Variants in WWP2 observed in about 807,000 individuals in gnomAD.
WWP2 encodes the protein NEDD4-like E3 ubiquitin-protein ligase WWP2.
Under a neutral mutation model 121.0 loss-of-function variants are expected in WWP2, and 57 were observed. That is an observed-to-expected ratio of 0.47 (90% CI 0.38 to 0.59). The LOEUF (loss-of-function observed/expected upper bound fraction) is 0.59. WWP2 is among the 20% of genes least tolerant of loss of function. The pLI, the probability that WWP2 is intolerant of heterozygous loss-of-function variation, is 0.00. For synonymous variants in WWP2, 449 were observed against 441.3 expected, an observed-to-expected ratio of 1.02 and a Z score of -0.22; for missense variants, 962 against 1,158.9, an observed-to-expected ratio of 0.83 and a Z score of 2.47.
At chr16:69,845,549 C>T (rs952763151) in intron 6 of WWP2, among the ~76,000 whole-genome samples, 26 of 152,074 alleles carry the variant, frequency 1.7e-4, no homozygotes, top group African/African-American at 6.3e-4. Context: ...GTGCTCTGAC[C>T]TGCCCATGAA....
intron 6 of WWP2, among the ~76,000 whole-genome samples, chr16:69,849,482 T>C (rs74027209): frequency 1.0e-3 from 153 of 149,664 alleles, no homozygotes; most frequent in African/African-American, 2.5e-3. Flanking sequence ...TTTATTTATT[T>C]ATTCATTCAT....
chr16:69,927,079 C>G (rs1421626919), intron 11 of WWP2, among the ~76,000 whole-genome samples: 1 of 152,048 alleles, frequency 6.6e-6, no homozygotes, highest in Non-Finnish European at 1.5e-5. Context: ...GAGCCGTGGT[C>G]AGAGTCGATA....
At position 69,799,285 on chromosome 16, in the gene WWP2, T is replaced by C. The variant is rs185778994; in HGVS notation, c.330T>C (p.Asn110=). Reference sequence around the variant, plus strand: ...ACCTCTCCAACGTCTTGAAGAACAATGGGGGCAAAAGTACGTATGATGAAG... The same window carrying C: ...ACCTCTCCAACGTCTTGAAGAACAACGGGGGCAAAAGTACGTATGATGAAG... ...SVNLSNVLKN[N]GGKMENMQLT... The change falls in exon 4 of 24, where the codon AAT becomes AAC. Residue 110 remains asparagine, a synonymous_variant. Coordinates refer to ENST00000359154, the MANE Select transcript of WWP2 (RefSeq NM_001270454.2). The surrounding 1 kb of genome is among the most constrained non-coding windows in gnomAD (Gnocchi z 4.5). The C allele has an allele frequency of 1.9e-6, 3 of 1,613,570 alleles. No individual in the cohort carries two copies. The East Asian group carries it at 6.7e-5, about 36-fold the overall frequency.
intron 9 of WWP2, among the ~76,000 whole-genome samples, chr16:69,912,955 AAT>A (rs1567427338): frequency 1.2e-3 from 10 of 8,364 alleles, no homozygotes; most frequent in East Asian, 5.2e-3. Flanking sequence ...AAAAAAAAAA[AAT>A]ATATATATAT....
intron 4 of WWP2, among the ~76,000 whole-genome samples, chr16:69,807,086 T>C (rs1396872425): frequency 6.6e-6 from 1 of 151,938 alleles, no homozygotes; most frequent in Admixed American, 6.6e-5. Flanking sequence ...TGGAGTGCAA[T>C]GGCATGATCT....
At position 69,908,855 on chromosome 16, in the gene WWP2, G is replaced by T. The variant is rs375380380; in HGVS notation, c.1004+5G>T. On this transcript the variant is annotated splice_donor_5th_base_variant and intron_variant, in intron 9 of 23. Transcript: ENST00000359154. ...GGAGCGGCCCCTTCCTCCAGGGTAG[G>T]TCATCAACTGAGAAGACCTGAGACT... 6.2e-7 allele frequency: 1 copy of T among 1,614,174 alleles called. No homozygotes were observed. Among genetic ancestry groups the T allele is most frequent in the Non-Finnish European group, 8.5e-7 (1 of 1,180,024 alleles).
At chr16:69,772,079 C>T (rs1414473856) in intron 1 of WWP2, among the ~76,000 whole-genome samples, 1 of 150,422 alleles carries the variant, frequency 6.6e-6, no homozygotes, top group Admixed American at 6.7e-5. Flanking sequence ...CCTGCCTCGG[C>T]CTATCCCAAG....
At position 69,808,337 on chromosome 16, in the gene WWP2, A is replaced by G. The variant is rs573143438; in HGVS notation, c.340+9042A>G. Among the ~76,000 whole-genome samples the G allele has an allele frequency of 3.0e-3, 444 of 150,404 alleles. 1 individual carries two copies. Among genetic ancestry groups the G allele is most frequent in the Middle Eastern group, 0.01 (3 of 290 alleles). On this transcript the variant is annotated intron_variant, in intron 4 of 23. Coordinates refer to ENST00000359154, the MANE Select transcript of WWP2 (RefSeq NM_001270454.2). ...CAGGCTGGTCTCAAGTGATCCTCCCACTTTGGTCTCCAAAAATGCTGGGAT... is the reference window on the plus strand; with the variant it reads ...CAGGCTGGTCTCAAGTGATCCTCCCGCTTTGGTCTCCAAAAATGCTGGGAT...
chr16:69,823,400 C>A (rs2056627845), intron 4 of WWP2, among the ~76,000 whole-genome samples: 1 of 152,080 alleles, frequency 6.6e-6, no homozygotes, highest in African/African-American at 2.4e-5. Flanking sequence ...TGGAGAAAGA[C>A]TGGGAAACTT....
intron 1 of WWP2, among the ~76,000 whole-genome samples, chr16:69,782,785 GA>G (rs2055691955): frequency 6.6e-6 from 1 of 152,142 alleles, no homozygotes; most frequent in African/African-American, 2.4e-5. Context: ...TTTAGCTATG[GA>G]AAATGTCAAC....
At chr16:69,778,177 T>A (rs903044835) in intron 1 of WWP2, among the ~76,000 whole-genome samples, 8 of 91,230 alleles carry the variant, frequency 8.8e-5, no homozygotes, top group East Asian at 1.1e-3. Flanking sequence ...TAAATAAATA[T>A]ATATATATAT....
chr16:69,933,217 A>G (rs1397159495), intron 16 of WWP2: 3 of 455,914 alleles, frequency 6.6e-6, no homozygotes, highest in Non-Finnish European at 1.4e-5. Context: ...CCCAGCCACA[A>G]ACAGCCCAGC....
intron 11 of WWP2, among the ~76,000 whole-genome samples, chr16:69,927,089 A>G (rs1983015): frequency 0.81 from 122,491 of 151,988 alleles, 49,863 homozygotes; most frequent in East Asian, 0.96. Context: ...CAGAGTCGAT[A>G]CTGTTAATGA....
At chr16:69,856,240 A>C (rs1424978347) in intron 6 of WWP2, among the ~76,000 whole-genome samples, 2 of 152,186 alleles carry the variant, frequency 1.3e-5, no homozygotes, top group African/African-American at 4.8e-5. Context: ...CATTTATATA[A>C]CATCCTGGAA....
intron 8 of WWP2, among the ~76,000 whole-genome samples, chr16:69,903,388 A>C (rs777791475): frequency 3.3e-5 from 5 of 152,224 alleles, no homozygotes; most frequent in Non-Finnish European, 7.3e-5. Flanking sequence ...TAATAAAATC[A>C]GTGTTTCTCT....
intron 10 of WWP2, among the ~76,000 whole-genome samples, chr16:69,922,189 C>G (rs900766354): frequency 1.2e-4 from 18 of 151,874 alleles, no homozygotes; most frequent in African/African-American, 3.6e-4. Context: ...CTGCAATGAG[C>G]CCCTTGCATT....
intron 4 of WWP2, among the ~76,000 whole-genome samples, chr16:69,814,924 T>A (rs908993867): frequency 6.6e-6 from 1 of 152,158 alleles, no homozygotes; most frequent in African/African-American, 2.4e-5. Context: ...AGAGAAGAAA[T>A]TTTTAAAAAG....
chr16:69,877,096 T>C (rs1050812242), intron 7 of WWP2, among the ~76,000 whole-genome samples: 1 of 152,206 alleles, frequency 6.6e-6, no homozygotes, highest in Non-Finnish European at 1.5e-5. Flanking sequence ...AGGCATGAAC[T>C]TCTCTTTATC....
At chr16:69,843,193 C>T (rs1312019852) in intron 6 of WWP2, among the ~76,000 whole-genome samples, 1 of 152,128 alleles carries the variant, frequency 6.6e-6, no homozygotes, top group Admixed American at 6.5e-5. Context: ...AATTTTCTGT[C>T]ATGCATTCTG....
Sources: gnomAD v4.1 joint callset for allele counts (sites outside exome capture counted in the v4.1 genomes callset) on GRCh38, gnomAD v4.1.1 for gene constraint, Gnocchi (gnomAD v3.1) non-coding constraint, MANE v1.5 for transcripts, NCBI Gene and HGNC (gene_info 2026-07-23, HGNC 2026-07-21) for gene names.